REPS2: variants seen among roughly 807,000 people sequenced by gnomAD.
The protein encoded by REPS2 is ralBP1-associated Eps domain-containing protein 2.
A neutral mutation model predicts 53.6 loss-of-function variants in REPS2; 23 were observed. The observed-to-expected ratio is 0.43, with a 90% CI of 0.31 to 0.61. The LOEUF is 0.61. Among genes scored for constraint, REPS2 ranks in the 20% least tolerant of loss-of-function variants. The pLI, the probability that REPS2 is intolerant of heterozygous loss-of-function variation, is 0.11. For missense variants in REPS2, 446 were observed against 534.9 expected (o/e 0.83, Z 1.64); for synonymous variants, 238 against 218.6 (o/e 1.09, Z -0.78).
Position 17,152,182 on chromosome X carries a change from T to C in REPS2, c.*4701T>C, listed in dbSNP as rs1334493231. 5 of 112,086 alleles carry C rather than the reference T, an allele frequency of 4.5e-5. No individual in the cohort carries two copies. The highest frequency in any genetic ancestry group is 7.5e-5 in the Non-Finnish European group (4 of 53,197). 9.2% of individuals were successfully genotyped at this position (112,086 alleles called of 1,213,427 possible). The stretch of plus-strand genomic sequence containing the variant: ...GATTCGAAGAGCTGTTGCCCTCTTC[T>C]AAAAAAGGCTTTTGGAGGCTGTGTT... On this transcript the variant is annotated 3_prime_UTR_variant, in exon 18 of 18. Transcript: ENST00000357277.
chrX:17,164,834 A>G, the REPS2 span, among the ~76,000 whole-genome samples: 1 of 112,187 alleles, frequency 8.9e-6, no homozygotes, highest in Non-Finnish European at 1.9e-5. Flanking sequence ...GAAAATATAA[A>G]AACAATAGAG....
chrX:17,128,875 T>C (rs564209608), intron 14 of REPS2, among the ~76,000 whole-genome samples: 1 of 112,632 alleles, frequency 8.9e-6, no homozygotes, highest in East Asian at 2.8e-4. Flanking sequence ...TACAATATTA[T>C]ATATTTTTAA....
the REPS2 span, among the ~76,000 whole-genome samples, chrX:17,195,750 T>C: frequency 8.9e-6 from 1 of 112,394 alleles, no homozygotes; most frequent in African/African-American, 3.2e-5. Context: ...CACTTTAAAG[T>C]GTTTTACCTG....
intron 1 of REPS2, among the ~76,000 whole-genome samples, chrX:16,989,251 CAAAA>C (rs35448158): frequency 3.3e-5 from 3 of 91,973 alleles, no homozygotes; most frequent in African/African-American, 1.2e-4. Flanking sequence ...ATCAATATGT[CAAAA>C]AAAAAAAAAA....
chrX:16,954,739 C>G (rs1429663900), intron 1 of REPS2, among the ~76,000 whole-genome samples: 2 of 109,790 alleles, frequency 1.8e-5, no homozygotes, highest in South Asian at 3.9e-4. Context: ...AGGGGCTGTC[C>G]TATTTTAAGG....
At chrX:16,984,702 G>C (rs968951686) in intron 1 of REPS2, among the ~76,000 whole-genome samples, 7 of 111,819 alleles carry the variant, frequency 6.3e-5, no homozygotes, top group Non-Finnish European at 5.6e-5. Context: ...TACTGAATGG[G>C]TAAAATAAAG....
chrX:17,165,537 C>A, the REPS2 span, among the ~76,000 whole-genome samples: 9 of 111,685 alleles, frequency 8.1e-5, no homozygotes, highest in East Asian at 1.7e-3. Flanking sequence ...ATTTTTATTC[C>A]ATTTGCAGGG....
chrX:17,181,383 G>A, the REPS2 span, among the ~76,000 whole-genome samples: 1 of 112,737 alleles, frequency 8.9e-6, no homozygotes, highest in Non-Finnish European at 1.9e-5. Context: ...TTCAGTCAAT[G>A]GGACAATAGC....
intron 2 of REPS2, among the ~76,000 whole-genome samples, chrX:17,018,268 C>T (rs1359053845): frequency 9.4e-6 from 1 of 106,739 alleles, no homozygotes; most frequent in Non-Finnish European, 1.9e-5. Context: ...CTTACTGCTA[C>T]CTCTGCCTCC....
At chrX:16,987,845 C>A (rs771918142) in intron 1 of REPS2, among the ~76,000 whole-genome samples, 1 of 112,235 alleles carries the variant, frequency 8.9e-6, no homozygotes, top group Non-Finnish European at 1.9e-5. Context: ...CCCTTTATTT[C>A]TTGCTATATC....
the REPS2 span, among the ~76,000 whole-genome samples, chrX:17,169,973 G>T: frequency 8.9e-6 from 1 of 112,667 alleles, no homozygotes; most frequent in South Asian, 3.6e-4. Flanking sequence ...ACACCCACAG[G>T]ATGGTAGAAC....
chrX:16,983,412 A>G (rs1476147823), intron 1 of REPS2, among the ~76,000 whole-genome samples: 1 of 112,413 alleles, frequency 8.9e-6, no homozygotes, highest in African/African-American at 3.2e-5. Context: ...CTAACATTAG[A>G]TGCCTGTTTG....
chrX:17,059,405 G>A (rs1433000253), intron 8 of REPS2, among the ~76,000 whole-genome samples: 1 of 108,519 alleles, frequency 9.2e-6, no homozygotes, highest in Non-Finnish European at 1.9e-5. Flanking sequence ...GATAAGATTG[G>A]TGAAGAGTAT....
Position 17,132,747 on chromosome X carries a change from G to A in REPS2, c.1579-1077G>A, listed in dbSNP as rs762325269. 2.7e-5 allele frequency among the ~76,000 whole-genome samples: 3 copies of A among 110,983 alleles called. No homozygotes were observed. In the Admixed American group the frequency reaches 2.9e-4, roughly 11 times the overall value. On this transcript the variant is annotated intron_variant, in intron 14 of 17. Transcript: ENST00000357277. Reference sequence around the variant, plus strand: ...GAGACGGGGTTTCGCCATGTTGGTCGGGCTGGTCTCAAACTCCTGACCTCA... The same window carrying A: ...GAGACGGGGTTTCGCCATGTTGGTCAGGCTGGTCTCAAACTCCTGACCTCA...
At chrX:17,098,587 T>G (rs2062739470) in intron 13 of REPS2, among the ~76,000 whole-genome samples, 1 of 96,650 alleles carries the variant, frequency 1.0e-5, no homozygotes, top group Non-Finnish European at 2.1e-5. Context: ...CAGTTACTTC[T>G]TAGGATTTGT....
At chrX:17,099,934 C>T (rs751493001) in intron 13 of REPS2, 55 of 1,131,023 alleles carry the variant, frequency 4.9e-5, no homozygotes, top group African/African-American at 7.2e-5. Context: ...ATGAGCTCTC[C>T]ACTGGAGTCT....
intron 13 of REPS2, among the ~76,000 whole-genome samples, chrX:17,103,041 T>A (rs1170968665): frequency 8.9e-6 from 1 of 112,486 alleles, no homozygotes; most frequent in Non-Finnish European, 1.9e-5. Context: ...CTCAGTATTC[T>A]CTATCTCACA....
intron 8 of REPS2, among the ~76,000 whole-genome samples, chrX:17,055,953 C>T (rs1425844471): frequency 2.9e-5 from 3 of 104,088 alleles, no homozygotes; most frequent in Non-Finnish European, 5.9e-5. Context: ...CTAACCTGCA[C>T]AATGTGCACA....
At chrX:17,024,786 T>A (rs1569133095) in intron 3 of REPS2, among the ~76,000 whole-genome samples, 1 of 111,596 alleles carries the variant, frequency 9.0e-6, no homozygotes, top group Non-Finnish European at 1.9e-5. Context: ...TCTTTCATTT[T>A]CCAAAGGAAA....
Sources: gnomAD v4.1 joint callset for allele counts (sites outside exome capture counted in the v4.1 genomes callset) on GRCh38, gnomAD v4.1.1 for gene constraint, MANE v1.5 for transcripts, NCBI Gene and HGNC (gene_info 2026-07-23, HGNC 2026-07-21) for gene names.